Variants in TMEM131 observed in about 807,000 individuals in gnomAD.
TMEM131 encodes the protein transmembrane protein 131, also known as 2610524E03Rik.
In TMEM131, 66 loss-of-function variants were observed where a neutral mutation model predicts 211.6. The observed-to-expected ratio is 0.31, with a 90% CI of 0.26 to 0.38. TMEM131 has a LOEUF of 0.38. TMEM131 is among the 10% of genes least tolerant of loss of function. The pLI, the probability that TMEM131 is intolerant of heterozygous loss-of-function variation, is 1.00. For synonymous variants in TMEM131, 844 were observed against 841.3 expected, an observed-to-expected ratio of 1.00 and a Z score of -0.06; for missense variants, 2,036 against 2,299.3, an observed-to-expected ratio of 0.89 and a Z score of 2.34.
intron 1 of TMEM131, among the ~76,000 whole-genome samples, chr2:97,953,310 T>A (rs762335129): frequency 6.6e-6 from 1 of 152,210 alleles, no homozygotes; most frequent in Non-Finnish European, 1.5e-5. Flanking sequence ...ATAAAACTTA[T>A]TTCAAACACA....
At chr2:97,836,975 C>T (rs1237565327) in intron 8 of TMEM131, 102 bp downstream of exon 8, 3 of 855,130 alleles carry the variant, frequency 3.5e-6, no homozygotes, top group South Asian at 3.0e-5. Flanking sequence ...AAAGAGAAGT[C>T]ATCCATATTT....
chr2:97,980,113 G>T (rs1482159993), intron 1 of TMEM131, among the ~76,000 whole-genome samples: 1 of 152,036 alleles, frequency 6.6e-6, no homozygotes, highest in African/African-American at 2.4e-5. Context: ...GTGTCATATG[G>T]GTGTGGTTTG....
chr2:97,759,631 C>A (rs778389496), intron 39 of TMEM131, 21 bp downstream of exon 39: 8 of 1,576,382 alleles, frequency 5.1e-6, no homozygotes, highest in Non-Finnish European at 7.0e-6. Flanking sequence ...ATTAGTTACA[C>A]ATCTAGTGTT....
At chr2:97,759,972 G>C in intron 38 of TMEM131, 1 of 495,014 alleles carries the variant, frequency 2.0e-6, no homozygotes, top group Non-Finnish European at 3.6e-6. Flanking sequence ...CTCACAGCCA[G>C]GTTCAAAGCA....
intron 36 of TMEM131, 28 bp from the exon 37 acceptor site, chr2:97,760,942 AT>A (rs778170274): frequency 1.2e-6 from 2 of 1,613,000 alleles, no homozygotes; most frequent in South Asian, 1.1e-5. Flanking sequence ...GAGAGAACTC[AT>A]TCCTCATCAG....
At chr2:97,793,574 G>A (rs751700610) in intron 29 of TMEM131, 21 bp from the exon 30 acceptor site, 15 of 1,575,640 alleles carry the variant, frequency 9.5e-6, no homozygotes, top group Admixed American at 1.9e-5. Context: ...AAAAAAAATT[G>A]GAAAATCAGG....
At chr2:97,810,376 G>C (rs1681496524) in intron 18 of TMEM131, among the ~76,000 whole-genome samples, 1 of 152,080 alleles carries the variant, frequency 6.6e-6, no homozygotes, top group Non-Finnish European at 1.5e-5. Context: ...TGTCATGAGT[G>C]ATAACCATGA....
intron 5 of TMEM131, among the ~76,000 whole-genome samples, chr2:97,854,148 A>G (rs1673744671): frequency 6.6e-6 from 1 of 152,178 alleles, no homozygotes; most frequent in African/African-American, 2.4e-5. Flanking sequence ...TTCAGCAACC[A>G]CTACCCTGAT....
intron 12 of TMEM131, among the ~76,000 whole-genome samples, chr2:97,816,248 G>A (rs965746670): frequency 2.0e-5 from 3 of 152,176 alleles, no homozygotes; most frequent in Non-Finnish European, 2.9e-5. Context: ...GGCTGAGGCA[G>A]GAGAATCGCT....
At chr2:97,965,540 T>C (rs1034251744) in intron 1 of TMEM131, among the ~76,000 whole-genome samples, 17 of 152,168 alleles carry the variant, frequency 1.1e-4, no homozygotes, top group Non-Finnish European at 2.1e-4. Context: ...ATAGATTACC[T>C]GGCACATAAT....
At chr2:97,942,852 T>C (rs1385076366) in intron 1 of TMEM131, among the ~76,000 whole-genome samples, 1 of 151,548 alleles carries the variant, frequency 6.6e-6, no homozygotes, top group African/African-American at 2.4e-5. Context: ...AGGCTGGGCA[T>C]GGGGAACGGC....
chr2:97,804,272 G>C (rs1007458528), intron 22 of TMEM131, among the ~76,000 whole-genome samples: 3 of 152,050 alleles, frequency 2.0e-5, no homozygotes, highest in Non-Finnish European at 4.4e-5. Context: ...GTGCAGTATT[G>C]ATTTGTCATT....
chr2:97,812,628 C>T lies in TMEM131; in HGVS notation c.1728+11G>A. On this transcript the variant is annotated intron_variant, in intron 16 of 40. Transcript: ENST00000186436. ...CCTTAAATGTGATTTAGAATAAAAA[C>T]AGGTTTTTACCTCAATTGGATTGCT... The T allele has an allele frequency of 2.5e-6, 4 of 1,583,992 alleles. No homozygotes were observed. Among genetic ancestry groups the T allele is most frequent in the Non-Finnish European group, 2.6e-6 (3 of 1,167,800 alleles).
intron 3 of TMEM131, among the ~76,000 whole-genome samples, chr2:97,896,249 T>C (rs1329171406): frequency 3.3e-5 from 5 of 152,162 alleles, no homozygotes; most frequent in African/African-American, 1.2e-4. Context: ...TTTCTGTTAT[T>C]TTGCATATGT....
chr2:97,918,789 A>G (rs1476244219), intron 2 of TMEM131, among the ~76,000 whole-genome samples: 1 of 152,214 alleles, frequency 6.6e-6, no homozygotes, highest in East Asian at 1.9e-4. Context: ...CTGATATGAT[A>G]TATCAAGCAT....
chr2:97,951,552 A>G (rs962672530), intron 1 of TMEM131, among the ~76,000 whole-genome samples: 2 of 152,158 alleles, frequency 1.3e-5, no homozygotes, highest in African/African-American at 4.8e-5. Context: ...AAAATGTCTC[A>G]TTGGCAAGTC....
chr2:97,866,166 C>A (rs541372596), intron 4 of TMEM131, among the ~76,000 whole-genome samples: 23 of 152,330 alleles, frequency 1.5e-4, no homozygotes, highest in Admixed American at 6.5e-4. Context: ...CAGGCGTGAG[C>A]CGCCGTGCCC....
chr2:97,950,472 C>A (rs1404729834), intron 1 of TMEM131, among the ~76,000 whole-genome samples: 2 of 151,972 alleles, frequency 1.3e-5, no homozygotes, highest in Admixed American at 6.6e-5. Flanking sequence ...CTAGTCCTCT[C>A]TCCAGTATGC....
intron 33 of TMEM131, among the ~76,000 whole-genome samples, chr2:97,768,156 A>G (rs1679274210): frequency 6.6e-6 from 1 of 152,260 alleles, no homozygotes; most frequent in South Asian, 2.1e-4. Context: ...CAAACCAAAA[A>G]GCCAAAGGGT....
Sources: gnomAD v4.1 joint callset for allele counts (sites outside exome capture counted in the v4.1 genomes callset) on GRCh38, gnomAD v4.1.1 for gene constraint, MANE v1.5 for transcripts, NCBI Gene and HGNC (gene_info 2026-07-23, HGNC 2026-07-21) for gene names.